Variants in CFAP299 observed in about 807,000 individuals in gnomAD.
CFAP299 encodes cilia- and flagella-associated protein 299.
CFAP299 carries 21 observed loss-of-function variants against 27.0 expected under a neutral mutation model. The observed-to-expected ratio is 0.78, with a 90% confidence interval of 0.55 to 1.12. The LOEUF is 1.12. Ranked by LOEUF, CFAP299 falls within the 50% of genes most tolerant of loss-of-function variation. The pLI, the probability that CFAP299 is intolerant of heterozygous loss-of-function variation, is 0.00. For missense variants in CFAP299, 310 were observed against 276.6 expected (o/e 1.12, Z -0.86); for synonymous variants, 104 against 98.1 (o/e 1.06, Z -0.36).
intron 3 of CFAP299, among the ~76,000 whole-genome samples, chr4:80,858,033 G>A (rs1318020953): frequency 1.3e-5 from 2 of 151,956 alleles, no homozygotes; most frequent in African/African-American, 2.4e-5. Context: ...AATCCATCTG[G>A]TCCTGGACTC....
At chr4:80,665,147 A>G (rs1019785936) in intron 3 of CFAP299, among the ~76,000 whole-genome samples, 1 of 152,148 alleles carries the variant, frequency 6.6e-6, no homozygotes. Flanking sequence ...CTTGCTGGGA[A>G]CTGCAGACCG....
At chr4:80,692,227 G>C (rs577807917) in intron 3 of CFAP299, among the ~76,000 whole-genome samples, 1 of 152,194 alleles carries the variant, frequency 6.6e-6, no homozygotes, top group South Asian at 2.1e-4. Context: ...AAAAGAGCCC[G>C]CATCACCAAG....
intron 5 of CFAP299, among the ~76,000 whole-genome samples, chr4:80,955,907 G>GA (rs1738040778): frequency 6.6e-6 from 1 of 152,152 alleles, no homozygotes; most frequent in African/African-American, 2.4e-5. Flanking sequence ...GGCTGAGGCA[G>GA]AAAAATCACT....
intron 3 of CFAP299, among the ~76,000 whole-genome samples, chr4:80,848,221 G>A (rs943692264): frequency 6.6e-6 from 1 of 151,220 alleles, no homozygotes; most frequent in African/African-American, 2.4e-5. Context: ...AAAAAAAAAA[G>A]GGATACAAAG....
At chr4:80,672,090 A>T (rs1328313610) in intron 3 of CFAP299, among the ~76,000 whole-genome samples, 1 of 152,174 alleles carries the variant, frequency 6.6e-6, no homozygotes, top group African/African-American at 2.4e-5. Context: ...CCAGTTTTCA[A>T]AGGGAATGCT....
At chr4:80,480,563 T>C (rs1435359384) in intron 2 of CFAP299, among the ~76,000 whole-genome samples, 1 of 152,038 alleles carries the variant, frequency 6.6e-6, no homozygotes, top group Non-Finnish European at 1.5e-5. Flanking sequence ...TGGTCCAAGT[T>C]AAGTTCCACT....
At chr4:80,854,395 C>A (rs1280922761) in intron 3 of CFAP299, among the ~76,000 whole-genome samples, 1 of 150,808 alleles carries the variant, frequency 6.6e-6, no homozygotes, top group Non-Finnish European at 1.5e-5. Flanking sequence ...GTCTCTTTAT[C>A]AAATACTAGA....
chr4:80,327,994 T>C, the CFAP299 span, among the ~76,000 whole-genome samples: 1 of 151,894 alleles, frequency 6.6e-6, no homozygotes, highest in Non-Finnish European at 1.5e-5. Context: ...CAAGCTGTGC[T>C]TCATGCCACT....
chr4:80,668,966 T>A (rs550848718), intron 3 of CFAP299, among the ~76,000 whole-genome samples: 3 of 152,056 alleles, frequency 2.0e-5, no homozygotes, highest in Admixed American at 6.6e-5. Context: ...ATCTTTCCAA[T>A]TTTTTTGTGT....
chr4:80,437,635 A>C (rs1728159233), intron 2 of CFAP299, among the ~76,000 whole-genome samples: 1 of 152,212 alleles, frequency 6.6e-6, no homozygotes, highest in African/African-American at 2.4e-5. Flanking sequence ...ATCTCCATCT[A>C]CCAGAGTTAT....
At chr4:80,395,219 T>A (rs1406172638) in intron 2 of CFAP299, among the ~76,000 whole-genome samples, 1 of 152,116 alleles carries the variant, frequency 6.6e-6, no homozygotes, top group Non-Finnish European at 1.5e-5. Context: ...GGATAGTTTG[T>A]TGTTAGTGTA....
Position 80,895,074 on chromosome 4 carries a change from A to C in CFAP299, c.476+24939A>C, listed in dbSNP as rs945760759. ...AAAGTTTCAGTTATGCAGGATGAAT[A>C]AATTCTGGAGATTAAATGAACAGCA... On this transcript the variant is annotated intron_variant, in intron 4 of 5. Transcript: ENST00000358105. Among the ~76,000 whole-genome samples, 6 of 152,066 alleles carry C rather than the reference A, an allele frequency of 3.9e-5. No individual in the cohort carries two copies. The East Asian group carries it at 1.2e-3, about 29-fold the overall frequency.
intron 2 of CFAP299, among the ~76,000 whole-genome samples, chr4:80,561,766 A>C (rs1470165171): frequency 6.6e-6 from 1 of 152,110 alleles, no homozygotes; most frequent in Non-Finnish European, 1.5e-5. Flanking sequence ...CGGTCAGAGG[A>C]GACAAAAGAA....
rs188521293 is a variant in CFAP299 at position 80,956,391 on chromosome 4, A to C, written c.607-7126A>C. ...TTTGCTCCAGTCATTTTTTATTACT[A>C]TTGGAAATGAAAATTTATTTTATAT... On this transcript the variant is annotated intron_variant, in intron 5 of 5. Coordinates refer to ENST00000358105, the MANE Select transcript of CFAP299 (RefSeq NM_152770.3). Among the ~76,000 whole-genome samples, 9 of 152,132 alleles carry C rather than the reference A, an allele frequency of 5.9e-5. No homozygotes were observed. In the East Asian group the frequency reaches 1.7e-3, roughly 29 times the overall value.
intron 3 of CFAP299, among the ~76,000 whole-genome samples, chr4:80,672,231 C>T (rs1372101676): frequency 3.3e-5 from 5 of 152,058 alleles, no homozygotes; most frequent in East Asian, 3.9e-4. Context: ...TGAATTTTAT[C>T]GAAGGTCTTT....
At chr4:80,532,024 G>A (rs1232718326) in intron 2 of CFAP299, among the ~76,000 whole-genome samples, 4 of 152,070 alleles carry the variant, frequency 2.6e-5, no homozygotes, top group Admixed American at 2.6e-4. Context: ...CAAAAGTGCT[G>A]GGATTACAGG....
intron 3 of CFAP299, among the ~76,000 whole-genome samples, chr4:80,738,970 A>C (rs1338190818): frequency 1.3e-5 from 2 of 152,014 alleles, no homozygotes; most frequent in East Asian, 3.8e-4. Context: ...ATAACCCATT[A>C]TTTTGAACTG....
At chr4:80,388,395 G>A in intron 2 of CFAP299, 1 of 706,664 alleles carries the variant, frequency 1.4e-6, no homozygotes, top group East Asian at 2.5e-5. Context: ...GGCGAGGCCT[G>A]CTGGACCGCT....
At chr4:80,721,660 A>G (rs1316968055) in intron 3 of CFAP299, among the ~76,000 whole-genome samples, 1 of 152,188 alleles carries the variant, frequency 6.6e-6, no homozygotes, top group Non-Finnish European at 1.5e-5. Flanking sequence ...ACTCACATCA[A>G]TATCAAATTA....
Sources: allele counts gnomAD v4.1 joint callset (sites outside exome capture counted in the v4.1 genomes callset), GRCh38; gene constraint gnomAD v4.1.1; transcripts MANE v1.5; gene names NCBI Gene and HGNC (gene_info 2026-07-23, HGNC 2026-07-21).